The following LY96 variants were observed in gnomAD, a reference collection of about 807,000 sequenced individuals.
LY96 encodes myeloid differentiation protein-2.
LY96 carries 18 observed loss-of-function variants against 18.9 expected under a neutral mutation model. That is an observed-to-expected ratio of 0.95 (90% CI 0.66 to 1.41). LY96 has a LOEUF of 1.41. Ranked by LOEUF, LY96 falls within the 40% of genes most tolerant of loss-of-function variation. LY96 has a pLI of 0.00. For synonymous variants in LY96, 66 were observed against 62.6 expected (o/e 1.06, Z -0.26); for missense variants, 175 against 182.4 (o/e 0.96, Z 0.23).
the LY96 span, among the ~76,000 whole-genome samples, chr8:74,066,568 T>A: frequency 6.6e-6 from 1 of 152,138 alleles, no homozygotes; most frequent in Non-Finnish European, 1.5e-5. Context: ...AAAAGAAGTA[T>A]AAAATAAAGC....
At chr8:74,002,098 TCTCTCTCTC>T (rs1816307967) in intron 1 of LY96, among the ~76,000 whole-genome samples, 3 of 25,810 alleles carry the variant, frequency 1.2e-4, no homozygotes, top group African/African-American at 1.8e-4. Flanking sequence ...TTTCTTTCTC[TCTCTCTCTC>T]TCTCTCTCTC....
chr8:74,094,685 CGTGT>C, the LY96 span, among the ~76,000 whole-genome samples: 1 of 152,080 alleles, frequency 6.6e-6, no homozygotes, highest in East Asian at 1.9e-4. Flanking sequence ...TATGATCATC[CGTGT>C]GAGTATAATG....
intron 3 of LY96, among the ~76,000 whole-genome samples, chr8:74,019,028 GCAAA>G (rs1370706988): frequency 1.3e-5 from 2 of 152,058 alleles, no homozygotes; most frequent in African/African-American, 2.4e-5. Context: ...AGAAGCAAGA[GCAAA>G]CACATTGAAA....
chr8:74,071,699 T>C, the LY96 span, among the ~76,000 whole-genome samples: 2 of 152,212 alleles, frequency 1.3e-5, no homozygotes, highest in African/African-American at 2.4e-5. Flanking sequence ...AGCAAAAATA[T>C]GGTTTTAGCA....
chr8:74,058,203 C>T, the LY96 span, among the ~76,000 whole-genome samples: 3 of 151,914 alleles, frequency 2.0e-5, no homozygotes. Context: ...AATATTACAA[C>T]ACAGATTATG....
chr8:74,065,327 T>C, the LY96 span, among the ~76,000 whole-genome samples: 1 of 152,268 alleles, frequency 6.6e-6, no homozygotes, highest in African/African-American at 2.4e-5. Context: ...TCACTCATAC[T>C]GACTCAGAAT....
At position 74,011,599 on chromosome 8, in the gene LY96, G is replaced by A. The variant is rs562384758; in HGVS notation, c.331+1470G>A. Among the ~76,000 whole-genome samples, 52 of 152,196 alleles carry A rather than the reference G, an allele frequency of 3.4e-4. 1 individual carries two copies. In the South Asian group the frequency reaches 3.9e-3, roughly 12 times the overall value. On this transcript the variant is annotated intron_variant, in intron 3 of 4. Coordinates refer to ENST00000284818, the MANE Select transcript of LY96 (RefSeq NM_015364.5). ...AGAGTGGCTAGGCGCAGTGGCTCACGCCTGTAATCCCAGCACTTTGGGATA... is the reference window on the plus strand; with the variant it reads ...AGAGTGGCTAGGCGCAGTGGCTCACACCTGTAATCCCAGCACTTTGGGATA...
chr8:74,011,360 A>G (rs1816526531), intron 3 of LY96, among the ~76,000 whole-genome samples: 1 of 152,238 alleles, frequency 6.6e-6, no homozygotes, highest in Admixed American at 6.5e-5. Context: ...AAGCACAGGC[A>G]ATAAAGACAA....
chr8:74,002,746 A>ATT (rs34767907), intron 1 of LY96, among the ~76,000 whole-genome samples: 2 of 150,758 alleles, frequency 1.3e-5, no homozygotes, highest in Non-Finnish European at 3.0e-5. Context: ...TAATTTTTGT[A>ATT]TTTTTTTCAT....
chr8:74,004,731 C>T (rs1356881264), intron 1 of LY96, 65 bp from the exon 2 acceptor site: 1 of 1,386,250 alleles, frequency 7.2e-7, no homozygotes, highest in Non-Finnish European at 1.0e-6. Context: ...GGCTGATATT[C>T]AGAATACTAT....
rs1816303770 is a variant in LY96, at chr8:74,002,085, T to TC, written c.113-2711_113-2710insC. Among the ~76,000 whole-genome samples the TC allele has an allele frequency of 4.8e-4, 14 of 29,338 alleles. 2 individuals are homozygous for TC. The highest frequency in any genetic ancestry group is 1.5e-3 in the Admixed American group (3 of 2,058). The allele number at this position is 29,338 out of a possible 152,430, so 19.2% of individuals were successfully genotyped here. ...TTCCTTCCTTCCTTCCTTTCTTTCT[T>TC]TCTTTCTTTCTCTCTCTCTCTCTCT... On this transcript the variant is annotated intron_variant, in intron 1 of 4. Transcript: ENST00000284818.
the LY96 span, among the ~76,000 whole-genome samples, chr8:74,080,977 T>C: frequency 2.8e-5 from 4 of 143,246 alleles, no homozygotes; most frequent in Non-Finnish European, 4.5e-5. Flanking sequence ...TCTTTCTTTC[T>C]TTCTCTCTCT....
intron 3 of LY96, among the ~76,000 whole-genome samples, chr8:74,023,723 G>C (rs918016130): frequency 3.1e-4 from 47 of 152,090 alleles, no homozygotes; most frequent in African/African-American, 1.1e-3. Flanking sequence ...CCAGCTCGAG[G>C]CACCCTCTGG....
At chr8:74,040,900 C>T in the LY96 span, among the ~76,000 whole-genome samples, 3 of 152,008 alleles carry the variant, frequency 2.0e-5, no homozygotes, top group South Asian at 2.1e-4. Flanking sequence ...GATGGGGTTT[C>T]ACCAAGTTAG....
chr8:74,097,002 G>A, the LY96 span, among the ~76,000 whole-genome samples: 5,003 of 152,238 alleles, frequency 0.033, 117 homozygotes, highest in African/African-American at 0.059. Context: ...CTTGAGTGAC[G>A]GAGGTGGGTG....
intron 3 of LY96, 54 bp downstream of exon 3, chr8:74,010,183 T>C: frequency 6.6e-7 from 1 of 1,514,048 alleles, no homozygotes; most frequent in Non-Finnish European, 9.1e-7. Flanking sequence ...TTTATGAAAA[T>C]GTTATGAAAA....
At chr8:74,018,498 A>G (rs1816691561) in intron 3 of LY96, among the ~76,000 whole-genome samples, 3 of 152,338 alleles carry the variant, frequency 2.0e-5, no homozygotes, top group African/African-American at 7.2e-5. Flanking sequence ...CCCACTGTCA[A>G]TATTAGACAG....
downstream of LY96, among the ~76,000 whole-genome samples, chr8:74,031,106 T>C (rs1053804510): frequency 2.7e-5 from 4 of 150,900 alleles, no homozygotes; most frequent in East Asian, 7.7e-4. Context: ...TCCGACCACC[T>C]GATAGGGTGT....
chr8:74,099,132 C>T, the LY96 span, among the ~76,000 whole-genome samples: 12 of 152,264 alleles, frequency 7.9e-5, no homozygotes, highest in East Asian at 1.3e-3. Flanking sequence ...CACAAATTTA[C>T]GTGTTGAAGC....
Sources: allele counts gnomAD v4.1 joint callset (sites outside exome capture counted in the v4.1 genomes callset), GRCh38; gene constraint gnomAD v4.1.1; transcripts MANE v1.5; gene names NCBI Gene and HGNC (gene_info 2026-07-23, HGNC 2026-07-21).